The following CEP192 variants were observed in gnomAD, a reference collection of about 807,000 sequenced individuals.
CEP192 encodes centrosomal protein of 192 kDa.
A neutral mutation model predicts 271.8 loss-of-function variants in CEP192; 151 were observed. The observed-to-expected ratio is 0.56, with a 90% confidence interval of 0.49 to 0.64. The LOEUF is 0.64. CEP192 is among the 30% of genes least tolerant of loss of function. The probability of loss-of-function intolerance (pLI) is 0.00; values close to 1 mark genes in which losing one functional copy is unlikely to be tolerated. For synonymous variants in CEP192, 995 were observed against 1,076.5 expected (o/e 0.92, Z 1.48); for missense variants, 2,910 against 3,020.5 (o/e 0.96, Z 0.86).
intron 15 of CEP192, among the ~76,000 whole-genome samples, chr18:13,046,462 C>T (rs571036012): frequency 1.3e-5 from 2 of 152,272 alleles, no homozygotes; most frequent in South Asian, 4.1e-4. Context: ...TTATTTGTTT[C>T]ACCTAGACTT....
chr18:13,056,297 C>G lies in CEP192; in HGVS notation c.3707C>G (p.Ser1236Cys). The change falls in exon 19 of 45, where the codon TCT (serine) becomes TGT (cysteine). Residue 1236 changes from serine to cysteine, a missense_variant. Ser to Cys is a moderately radical substitution (Grantham distance 112, BLOSUM62 -1). Transcript: ENST00000506447. ...ATTCCCAGCAGCACAGTTCACAGCT[C>G]TGTGGCTGACATGCAGAACATGCCT... is the stretch of plus-strand genomic sequence containing the variant. ...TPIPSSTVHS[S>C]VADMQNMPAA... 1.2e-6 allele frequency: 2 copies of G among 1,614,134 alleles called. No individual in the cohort carries two copies. The highest frequency in any genetic ancestry group is 2.2e-5 in the East Asian group (1 of 44,888).
chr18:13,002,790 T>C (rs2033733830), intron 3 of CEP192, among the ~76,000 whole-genome samples: 1 of 152,236 alleles, frequency 6.6e-6, no homozygotes, highest in African/African-American at 2.4e-5. Flanking sequence ...GTTTTCTGTG[T>C]TTAAATTTGT....
intron 40 of CEP192, among the ~76,000 whole-genome samples, chr18:13,107,239 C>T (rs1568429362): frequency 6.6e-6 from 1 of 152,152 alleles, no homozygotes; most frequent in African/African-American, 2.4e-5. Flanking sequence ...GCGCATGACT[C>T]TAGTCTTAGC....
At chr18:13,012,303 T>A (rs2034407986) in intron 4 of CEP192, among the ~76,000 whole-genome samples, 1 of 152,154 alleles carries the variant, frequency 6.6e-6, no homozygotes, top group South Asian at 2.1e-4. Context: ...ATTGTATGTA[T>A]CAATTAAAAA....
rs775750351 is a variant in CEP192 at position 13,018,551 on chromosome 18, A to C, written c.861A>C (p.Ser287=). 3.9e-6 allele frequency: 6 copies of C among 1,542,120 alleles called. No individual in the cohort carries two copies. The highest frequency in any genetic ancestry group is 2.5e-5 in the East Asian group (1 of 40,748). ...ENNSSLISLD[S]HSSETTHKES... ...ACAGCTCTCTGATTTCCCTCGACTC[A>C]CACTCTTCTGAAACAACTCACAAAG... is the stretch of plus-strand genomic sequence containing the variant. Residue 287 remains serine, a synonymous_variant, in exon 8 of 45, where the codon TCA becomes TCC. Transcript: ENST00000506447.
At chr18:13,022,544 C>T (rs2035052770) in intron 9 of CEP192, among the ~76,000 whole-genome samples, 1 of 152,076 alleles carries the variant, frequency 6.6e-6, no homozygotes, top group Admixed American at 6.6e-5. Context: ...CCATGCCCAG[C>T]TAATTTTTGT....
Position 13,012,453 on chromosome 18 carries a change from C to A in CEP192, c.467-520C>A, listed in dbSNP as rs117681308. ...CAGTATGCATCTCCAAAAGTGTGGA[C>A]ATTTTCTTACATAACCACGGTGCTA... On this transcript the variant is annotated intron_variant, in intron 4 of 44. Transcript: ENST00000506447. 3.1e-3 allele frequency among the ~76,000 whole-genome samples: 475 copies of A among 152,250 alleles called. 1 individual carries two copies. Among genetic ancestry groups the A allele is most frequent in the Non-Finnish European group, 5.5e-3 (376 of 68,022 alleles).
chr18:13,002,089 G>T lies in CEP192; in HGVS notation c.290+507G>T, dbSNP rs139036277. On this transcript the variant is annotated intron_variant, in intron 3 of 44. Transcript: ENST00000506447. ...TTTTTTTTTAGATTCTAAAAGTAACGTGCTTTTGAAAAAATAGAGAATATA... is the reference window on the plus strand; with the variant it reads ...TTTTTTTTTAGATTCTAAAAGTAACTTGCTTTTGAAAAAATAGAGAATATA... Among the ~76,000 whole-genome samples the T allele has an allele frequency of 8.5e-5, 13 of 152,154 alleles. No homozygotes were observed. In the East Asian group the frequency reaches 2.1e-3, roughly 25 times the overall value.
intron 1 of CEP192, 135 bp downstream of exon 1, chr18:12,991,572 C>A (rs1432266728): frequency 1.3e-5 from 2 of 152,504 alleles, no homozygotes; most frequent in Non-Finnish European, 2.9e-5. Flanking sequence ...TGTGGGGCGG[C>A]CTCAGGGCGC....
chr18:13,063,820 A>ATTTT (rs111552814), intron 21 of CEP192, among the ~76,000 whole-genome samples: 21 of 134,566 alleles, frequency 1.6e-4, no homozygotes, highest in Admixed American at 1.2e-3. Flanking sequence ...ATTTTCCCCA[A>ATTTT]TTTTTTTTTT....
At chr18:13,104,897 C>T (rs1416002777) in intron 39 of CEP192, 87 bp from the exon 40 acceptor site, 1 of 989,724 alleles carries the variant, frequency 1.0e-6, no homozygotes, top group Non-Finnish European at 1.6e-6. Flanking sequence ...TTGGTGTGTT[C>T]TCCGCAGCCA....
At chr18:13,066,597 C>T (rs2037712774) in intron 21 of CEP192, among the ~76,000 whole-genome samples, 1 of 152,080 alleles carries the variant, frequency 6.6e-6, no homozygotes, top group South Asian at 2.1e-4. Flanking sequence ...CAGCTTGGGG[C>T]TCCCATGTCC....
chr18:13,101,043 C>T (rs1319895757), intron 38 of CEP192, among the ~76,000 whole-genome samples: 1 of 152,216 alleles, frequency 6.6e-6, no homozygotes, highest in Non-Finnish European at 1.5e-5. Flanking sequence ...GTGAAAGCCA[C>T]GTGCATTCAG....
At chr18:13,108,256 T>C (rs1398985491) in intron 40 of CEP192, among the ~76,000 whole-genome samples, 5 of 152,192 alleles carry the variant, frequency 3.3e-5, no homozygotes, top group Non-Finnish European at 7.3e-5. Flanking sequence ...AATGTATGAC[T>C]AAATTCTCCA....
intron 1 of CEP192, among the ~76,000 whole-genome samples, chr18:12,997,389 G>C (rs569282518): frequency 6.6e-6 from 1 of 152,158 alleles, no homozygotes; most frequent in African/African-American, 2.4e-5. Flanking sequence ...TGTGCAGGAG[G>C]AAGCATATTA....
At chr18:13,096,333 G>A in intron 36 of CEP192, 26 bp downstream of exon 36, 1 of 1,602,052 alleles carries the variant, frequency 6.2e-7, no homozygotes, top group African/African-American at 1.3e-5. Flanking sequence ...GTGTTGCTCT[G>A]CGTGTTACTT....
chr18:13,056,090 T>C lies in CEP192; in HGVS notation c.3500T>C (p.Leu1167Pro). 2 of 1,613,720 alleles carry C rather than the reference T, an allele frequency of 1.2e-6. No individual in the cohort carries two copies. Among genetic ancestry groups the C allele is most frequent in the Middle Eastern group, 3.3e-4 (2 of 6,062 alleles). The part of the protein sequence containing the change: ...SNPEELDPIR[L>P]ALLGKSGLSC... ...CCTGAGGAATTGGACCCGATCAGGC[T>C]GGCTCTCCTGGGCAAGTCAGGTCTG... Residue 1167 changes from leucine (L) to proline (P), a missense_variant, in exon 19 of 45, where the codon CTG becomes CCG. Leu to Pro is a moderately conservative substitution (Grantham distance 98). Transcript: ENST00000506447.
At chr18:13,065,470 TG>T (rs1394553571) in intron 21 of CEP192, among the ~76,000 whole-genome samples, 1 of 152,230 alleles carries the variant, frequency 6.6e-6, no homozygotes, top group Non-Finnish European at 1.5e-5. Flanking sequence ...TTCTATTTCA[TG>T]ATGACATTTA....
intron 30 of CEP192, among the ~76,000 whole-genome samples, chr18:13,086,309 A>T (rs1250359490): frequency 2.6e-5 from 4 of 152,210 alleles, no homozygotes; most frequent in Non-Finnish European, 5.9e-5. Context: ...CTAAATATAC[A>T]ATCATGTCAC....
Sources: gnomAD v4.1 joint callset for allele counts (sites outside exome capture counted in the v4.1 genomes callset) on GRCh38, gnomAD v4.1.1 for gene constraint, MANE v1.5 for transcripts, NCBI Gene and HGNC (gene_info 2026-07-23, HGNC 2026-07-21) for gene names.